LGI2: variants seen among roughly 807,000 people sequenced by gnomAD.
LGI2 encodes leucine-rich repeat LGI family member 2.
LGI2 carries 30 observed loss-of-function variants against 52.0 expected under a neutral mutation model. The observed-to-expected ratio is 0.58, with a 90% CI of 0.43 to 0.78. The LOEUF (loss-of-function observed/expected upper bound fraction) is 0.78. Among genes scored for constraint, LGI2 ranks in the 30% least tolerant of loss-of-function variants. The pLI, the probability that LGI2 is intolerant of heterozygous loss-of-function variation, is 0.00. For synonymous variants in LGI2, 270 were observed against 271.8 expected (o/e 0.99, Z 0.06); for missense variants, 573 against 692.5 (o/e 0.83, Z 1.94).
chr4:25,022,684 T>C (rs1726010941), intron 4 of LGI2, among the ~76,000 whole-genome samples: 1 of 152,212 alleles, frequency 6.6e-6, no homozygotes, highest in South Asian at 2.1e-4. Flanking sequence ...CACTCATGTA[T>C]ATAAGTCCAT....
intron 3 of LGI2, 36 bp downstream of exon 3, chr4:25,026,832 C>A (rs747628025): frequency 2.0e-6 from 3 of 1,502,078 alleles, no homozygotes; most frequent in Non-Finnish European, 2.8e-6. Context: ...ACCAAGATAC[C>A]GAATGTTCAG....
At chr4:25,007,625 G>A (rs1304604700) in intron 7 of LGI2, among the ~76,000 whole-genome samples, 1 of 134,628 alleles carries the variant, frequency 7.4e-6, no homozygotes, top group East Asian at 2.2e-4. Flanking sequence ...GTGTGTGTGT[G>A]TAGGAAGAGG....
At chr4:24,993,338 T>A in the LGI2 span, among the ~76,000 whole-genome samples, 1 of 152,246 alleles carries the variant, frequency 6.6e-6, no homozygotes, top group South Asian at 2.1e-4. Context: ...TGTGCCTCCA[T>A]TTCCACATCT....
chr4:24,995,082 C>T (rs535472598), downstream of LGI2, among the ~76,000 whole-genome samples: 13 of 152,308 alleles, frequency 8.5e-5, no homozygotes, highest in East Asian at 2.5e-3. Flanking sequence ...TTCAGTACAA[C>T]TGTTTACTCA....
chr4:25,025,931 T>G (rs1465578046), intron 3 of LGI2, among the ~76,000 whole-genome samples: 2 of 152,228 alleles, frequency 1.3e-5, no homozygotes, highest in Non-Finnish European at 2.9e-5. Flanking sequence ...GTATGTGCTT[T>G]GATAGACCTT....
rs1725220769 is a variant in LGI2 at position 25,000,858 on chromosome 4, A to G, written c.*2593T>C. On this transcript the variant is annotated 3_prime_UTR_variant, in exon 8 of 8. Transcript: ENST00000382114. ...TTACTGGAAGAATGCTTCTTGCAGA[A>G]GTTGTTTAAAACTTCAGGGATTCTT... 1 of 152,166 alleles carries G rather than the reference A, an allele frequency of 6.6e-6. No homozygotes were observed. The highest frequency in any genetic ancestry group is 2.4e-5 in the African/African-American group (1 of 41,442). The allele number at this position is 152,166 out of a possible 1,614,324, so 9.4% of individuals were successfully genotyped here. A position where few individuals can be genotyped will look rare whatever the true frequency, so the allele number is the denominator to read the frequency against.
At chr4:25,025,966 G>A (rs1726137173) in intron 3 of LGI2, among the ~76,000 whole-genome samples, 1 of 152,148 alleles carries the variant, frequency 6.6e-6, no homozygotes, top group Non-Finnish European at 1.5e-5. Flanking sequence ...TTGCAGTCCT[G>A]CTACACTTTC....
the LGI2 span, among the ~76,000 whole-genome samples, chr4:24,992,717 C>G: frequency 6.6e-6 from 1 of 152,020 alleles, no homozygotes; most frequent in African/African-American, 2.4e-5. Flanking sequence ...ATTAGACAGC[C>G]CTTCATGAAG....
rs986664408 is a variant in LGI2, at chr4:25,030,758, G to A, written c.-65C>T. The A allele has an allele frequency of 8.3e-6, 8 of 962,790 alleles. No homozygotes were observed. Among genetic ancestry groups the A allele is most frequent in the African/African-American group, 3.5e-5 (2 of 56,690 alleles). The allele number at this position is 962,790 out of a possible 1,614,324, so 59.6% of individuals were successfully genotyped here. On this transcript the variant is annotated 5_prime_UTR_variant, in exon 1 of 8. Coordinates refer to ENST00000382114, the MANE Select transcript of LGI2 (RefSeq NM_018176.4). ...GCCGCGCCGCGCGCTCGGACCCGGCGCCGCTGCAGACGCGGGCGCCGCTCG... is the reference window on the plus strand; with the variant it reads ...GCCGCGCCGCGCGCTCGGACCCGGCACCGCTGCAGACGCGGGCGCCGCTCG...
At position 25,021,943 on chromosome 4, in the gene LGI2, A is replaced by C. The variant is rs552850923; in HGVS notation, c.414-2705T>G. Among the ~76,000 whole-genome samples, 236 of 151,780 alleles carry C rather than the reference A, an allele frequency of 1.6e-3. 1 individual carries two copies. The highest frequency in any genetic ancestry group is 5.5e-3 in the African/African-American group (227 of 41,376). ...GAGATTCCATCTCAAAAAAAAAAAA[A>C]AAAAAACAAAGCCACCTGACTTGTC... On this transcript the variant is annotated intron_variant, in intron 4 of 7. Coordinates refer to ENST00000382114, the MANE Select transcript of LGI2 (RefSeq NM_018176.4).
rs1286027258 is a variant in LGI2 at position 25,004,425 on chromosome 4, C to T, written c.821-157G>A. On this transcript the variant is annotated intron_variant, in intron 7 of 7. Coordinates refer to ENST00000382114, the MANE Select transcript of LGI2 (RefSeq NM_018176.4). The surrounding 1 kb of genome is among the most constrained non-coding windows in gnomAD (Gnocchi z 4.6). The stretch of plus-strand genomic sequence containing the variant: ...TTGAAAAATTAAACATGGAATTACC[C>T]TATGAGCCAGCAATTCCACTTCTTT... Among the ~76,000 whole-genome samples, 3 of 152,202 alleles carry T rather than the reference C, an allele frequency of 2.0e-5. No homozygotes were observed. Among genetic ancestry groups the T allele is most frequent in the East Asian group, 3.8e-4 (2 of 5,200 alleles).
intron 7 of LGI2, 62 bp downstream of exon 7, chr4:25,012,273 T>A: frequency 6.3e-7 from 1 of 1,581,086 alleles, no homozygotes. Context: ...ACATTCCTCC[T>A]CCCGCGGGCT....
chr4:25,017,127 G>A (rs10018987), intron 6 of LGI2, among the ~76,000 whole-genome samples: 114,120 of 152,150 alleles, frequency 0.75, 43,310 homozygotes, highest in East Asian at 0.98. Flanking sequence ...TTTTTCCCTC[G>A]ATATGAGCTG....
At chr4:25,019,373 T>C (rs549103924) in intron 4 of LGI2, 135 bp from the exon 5 acceptor site, 3 of 603,556 alleles carry the variant, frequency 5.0e-6, no homozygotes, top group Admixed American at 6.6e-5. Context: ...AGCTTAGTTA[T>C]GCAAATATAA....
the LGI2 span, among the ~76,000 whole-genome samples, chr4:24,992,484 C>A: frequency 6.6e-6 from 1 of 151,608 alleles, no homozygotes; most frequent in Non-Finnish European, 1.5e-5. Context: ...GGGGCTGAGG[C>A]GGGTAGATTG....
chr4:25,030,725 C>A lies in LGI2; in HGVS notation c.-32G>T. On this transcript the variant is annotated 5_prime_UTR_variant, in exon 1 of 8. Coordinates refer to ENST00000382114, the MANE Select transcript of LGI2 (RefSeq NM_018176.4). ...TCCCCGCTCCCCGCCCGGGCCCCGA[C>A]CCCCACCGCCGCGCCGCGCGCTCGG... 1 of 1,164,850 alleles carries A rather than the reference C, an allele frequency of 8.6e-7. No individual in the cohort carries two copies. The highest frequency in any genetic ancestry group is 1.1e-6 in the Non-Finnish European group (1 of 943,688). 72.2% of individuals were successfully genotyped at this position (1,164,850 alleles called of 1,614,324 possible). A position where few individuals can be genotyped will look rare whatever the true frequency, so the allele number is the denominator to read the frequency against.
At chr4:25,014,745 C>T (rs536742287) in intron 6 of LGI2, among the ~76,000 whole-genome samples, 5 of 145,722 alleles carry the variant, frequency 3.4e-5, no homozygotes, top group Non-Finnish European at 7.4e-5. Flanking sequence ...GTGGAAGGAT[C>T]GATTGAGCCC....
chr4:24,996,900 G>A (rs542743471), downstream of LGI2, among the ~76,000 whole-genome samples: 1 of 152,222 alleles, frequency 6.6e-6, no homozygotes, highest in African/African-American at 2.4e-5. Flanking sequence ...GCAGGAGCAT[G>A]CTCTTTGGGG....
At chr4:24,995,976 C>A (rs900224841), downstream of LGI2, among the ~76,000 whole-genome samples, 2 of 152,126 alleles carry the variant, frequency 1.3e-5, no homozygotes, top group Non-Finnish European at 2.9e-5. Flanking sequence ...TAAAGGTGAG[C>A]TTTGCGGAAG....
Sources: gnomAD v4.1 joint callset for allele counts (sites outside exome capture counted in the v4.1 genomes callset) on GRCh38, gnomAD v4.1.1 for gene constraint, Gnocchi (gnomAD v3.1) non-coding constraint, MANE v1.5 for transcripts, NCBI Gene and HGNC (gene_info 2026-07-23, HGNC 2026-07-21) for gene names.